TPSG1: variants seen among roughly 807,000 people sequenced by gnomAD.
TPSG1 encodes the protein tryptase gamma.
A neutral mutation model predicts 23.8 loss-of-function variants in TPSG1; 43 were observed. The ratio of observed to expected loss-of-function variants is 1.81; its 90% CI spans 1.42 to 2.33. TPSG1 has a LOEUF of 2.33. Among genes scored for constraint, TPSG1 ranks in the 30% most tolerant of loss-of-function variants. TPSG1 has a pLI of 0.00. For synonymous variants in TPSG1, 302 were observed against 201.3 expected (o/e 1.50, Z -4.23); for missense variants, 623 against 438.6 (o/e 1.42, Z -3.75).
rs1201153052 is a variant in TPSG1, at chr16:1,225,253, G to C, written c.-1C>G. 1.3e-6 allele frequency: 2 copies of C among 1,571,000 alleles called. No homozygotes were observed. Among genetic ancestry groups the C allele is most frequent in the East Asian group, 2.3e-5 (1 of 42,796 alleles). ...GGAGGCCACAGGCCCCAAGGGCCAT[G>C]GTGTCTGCCCACTGTAGGGAGAAGG... On this transcript the variant is annotated 5_prime_UTR_variant, in exon 1 of 6. Transcript: ENST00000234798.
chr16:1,225,150 G>GCT, intron 1 of TPSG1, 57 bp downstream of exon 1: 2 of 1,539,956 alleles, frequency 1.3e-6, no homozygotes, highest in Non-Finnish European at 1.8e-6. Context: ...CCCCCATCAG[G>GCT]GGTCCAGGCA....
In TPSG1 at chr16:1,223,298, G is replaced by GA. The variant is rs1418721366; in HGVS notation, c.245+124dup. ...GCAACCAGCTCCTCCCTTTCCATTG[G>GA]AAGGAAGTAGGCTCAGAGTTCCCAA... is the stretch of plus-strand genomic sequence containing the variant. On this transcript the variant is annotated intron_variant, in intron 3 of 5. Transcript: ENST00000234798. 15 of 1,259,604 alleles carry GA rather than the reference G, an allele frequency of 1.2e-5. No homozygotes were observed. The East Asian group carries it at 2.2e-4, about 18-fold the overall frequency. The allele number at this position is 1,259,604 out of a possible 1,614,324, so 78.0% of individuals were successfully genotyped here.
chr16:1,222,490 G>T, intron 4 of TPSG1, 149 bp from the exon 5 acceptor site: 1 of 1,275,228 alleles, frequency 7.8e-7, no homozygotes, highest in Non-Finnish European at 1.1e-6. Context: ...TGCTGCTTTG[G>T]ATCCACACGA....
intron 4 of TPSG1, 130 bp downstream of exon 4, chr16:1,222,522 C>T (rs1425158021): frequency 9.6e-6 from 13 of 1,358,964 alleles, no homozygotes; most frequent in East Asian, 7.0e-5. Flanking sequence ...AAGGGACAGC[C>T]GATAGGGGCG....
intron 1 of TPSG1, 132 bp downstream of exon 1, chr16:1,225,075 G>A (rs2030074872): frequency 1.8e-6 from 2 of 1,088,774 alleles, no homozygotes; most frequent in Non-Finnish European, 2.6e-6. Flanking sequence ...CTTCAGAGGA[G>A]ACACGGGGCC....
chr16:1,222,918 C>A lies in TPSG1; in HGVS notation c.246-1G>T, dbSNP rs1222380120. On this transcript the variant is annotated splice_acceptor_variant, in intron 3 of 5. Transcript: ENST00000234798. LOFTEE classifies it high-confidence loss of function. ...CTGGTAGTCGGATGAGTTCAGGGACCTGGGAGGGAAGGTGGCTGGGTGAGA... is the reference window on the plus strand; with the variant it reads ...CTGGTAGTCGGATGAGTTCAGGGACATGGGAGGGAAGGTGGCTGGGTGAGA... 1.3e-6 allele frequency: 2 copies of A among 1,592,188 alleles called. No homozygotes were observed. The highest frequency in any genetic ancestry group is 1.7e-6 in the Non-Finnish European group (2 of 1,166,010).
intron 2 of TPSG1, 97 bp from the exon 3 acceptor site, chr16:1,223,691 T>TG (rs2029982046): frequency 7.1e-7 from 1 of 1,403,792 alleles, no homozygotes; most frequent in African/African-American, 1.5e-5. Context: ...CCTGCCTTCT[T>TG]GGGGACTTTG....
chr16:1,222,505 C>G, intron 4 of TPSG1, 147 bp downstream of exon 4: 3 of 1,307,302 alleles, frequency 2.3e-6, no homozygotes, highest in African/African-American at 1.5e-5. Context: ...ACACGACAGG[C>G]TTTGAAAAGG....
At position 1,221,695 on chromosome 16, in the gene TPSG1, C is replaced by T; in HGVS notation, c.*93G>A. On this transcript the variant is annotated 3_prime_UTR_variant, in exon 6 of 6. Transcript: ENST00000234798. ...AATTCAGGTTAAATGTTGCAATAAT[C>T]TGATGCAGAAGACTCAGCTTCTCAA... 4 of 1,258,072 alleles carry T rather than the reference C, an allele frequency of 3.2e-6. No homozygotes were observed. Among genetic ancestry groups the T allele is most frequent in the East Asian group, 2.5e-5 (1 of 40,150 alleles). The allele number at this position is 1,258,072 out of a possible 1,614,324, so 77.9% of individuals were successfully genotyped here. A position where few individuals can be genotyped will look rare whatever the true frequency, so the allele number is the denominator to read the frequency against.
chr16:1,223,528 C>A lies in TPSG1; in HGVS notation c.140G>T (p.Gly47Val), dbSNP rs530904153. Residue 47 changes from glycine to valine, a missense_variant, in exon 3 of 6, where the codon GGC becomes GTC. Transcript: ENST00000234798. The part of the protein sequence containing the change: ...RIVGGHAAPA[G>V]AWPWQASLRL... ...GAGGCTGGCCTGCCATGGCCATGCG[C>A]CGGCCGGGGCAGCGTGACCCCCCAC... 14 of 1,551,128 alleles carry A rather than the reference C, an allele frequency of 9.0e-6. No homozygotes were observed. In the East Asian group the frequency reaches 3.4e-4, roughly 37 times the overall value.
chr16:1,224,481 C>T (rs1355587900), intron 2 of TPSG1, 121 bp downstream of exon 2: 31 of 1,339,568 alleles, frequency 2.3e-5, no homozygotes, highest in Non-Finnish European at 2.9e-5. Flanking sequence ...GAAACCACGG[C>T]GACAAACTAT....
Position 1,221,743 on chromosome 16 carries a change from GAATA to G in TPSG1, c.*41_*44del, listed in dbSNP as rs1555521616. The G allele has an allele frequency of 1.7e-5, 26 of 1,525,642 alleles. No homozygotes were observed. Among genetic ancestry groups the G allele is most frequent in the Non-Finnish European group, 2.3e-5 (26 of 1,126,466 alleles). The allele number at this position is 1,525,642 out of a possible 1,614,324, so 94.5% of individuals were successfully genotyped here. On this transcript the variant is annotated 3_prime_UTR_variant, in exon 6 of 6. Coordinates refer to ENST00000234798, the MANE Select transcript of TPSG1 (RefSeq NM_012467.4). The stretch of plus-strand genomic sequence containing the variant: ...CAAGGGAGAGGGAGGGGGCGGAGCG[GAATA>G]AATAGTAACTTATTTAAGAAATGCA...
In TPSG1 at chr16:1,222,638, C is replaced by CG; in HGVS notation, c.511+13dup. 1 of 1,533,478 alleles carries CG rather than the reference C, an allele frequency of 6.5e-7. No homozygotes were observed. The highest frequency in any genetic ancestry group is 1.9e-5 in the Admixed American group (1 of 51,940). The allele number at this position is 1,533,478 out of a possible 1,614,324, so 95.0% of individuals were successfully genotyped here. ...GCCTTCCTCCATCCCAGCATCCCCA[C>CG]GGGGGCTCCTCACCTCCCTCCCGCG... is the stretch of plus-strand genomic sequence containing the variant. On this transcript the variant is annotated intron_variant, in intron 4 of 5. Transcript: ENST00000234798.
intron 2 of TPSG1, chr16:1,223,929 G>A (rs1883562): frequency 0.63 from 217,500 of 344,840 alleles, 70,985 homozygotes; most frequent in East Asian, 0.9. Context: ...CCGGGGTGCT[G>A]GGGGTGGCTG....
In TPSG1 at chr16:1,223,334, GA is replaced by G. The variant is rs377091406; in HGVS notation, c.245+88del. ...GCTCAGAGTTCCCAAGCCTCGGAGT[GA>G]GTCAAGACCAAGTGGAGGCCTCTGC... On this transcript the variant is annotated intron_variant, in intron 3 of 5. Coordinates refer to ENST00000234798, the MANE Select transcript of TPSG1 (RefSeq NM_012467.4). 6.4e-6 allele frequency: 9 copies of G among 1,412,788 alleles called. No individual in the cohort carries two copies. In the African/African-American group the frequency reaches 1.3e-4, roughly 21 times the overall value. The allele number at this position is 1,412,788 out of a possible 1,614,324, so 87.5% of individuals were successfully genotyped here. A position where few individuals can be genotyped will look rare whatever the true frequency, so the allele number is the denominator to read the frequency against.
rs150971454 is a variant in TPSG1 at position 1,222,094 on chromosome 16, G to A, written c.660C>T (p.Asp220=). 114 of 1,612,782 alleles carry A rather than the reference G, an allele frequency of 7.1e-5. No individual in the cohort carries two copies. The highest frequency in any genetic ancestry group is 1.5e-4 in the Admixed American group (9 of 60,026). ...CARGPGDACQ[D]DSGGPLVCQV... is the part of the protein sequence containing the mutation. Reference sequence around the variant, plus strand: ...GGCAGACCAGAGGCCCCCCGGAGTCGTCCTGAGGACAGAGAAGGCGAGCAT... The same window carrying A: ...GGCAGACCAGAGGCCCCCCGGAGTCATCCTGAGGACAGAGAAGGCGAGCAT... Residue 220 remains aspartate (D), a splice_region_variant and synonymous_variant, in exon 6 of 6, where the codon GAC becomes GAT. Transcript: ENST00000234798.
chr16:1,223,755 A>G, intron 2 of TPSG1, 161 bp from the exon 3 acceptor site: 3 of 842,602 alleles, frequency 3.6e-6, no homozygotes, highest in Non-Finnish European at 5.3e-6. Flanking sequence ...TGGGTGCAGC[A>G]GAAATGACGT....
intron 2 of TPSG1, 162 bp from the exon 3 acceptor site, chr16:1,223,756 G>T: frequency 2.4e-6 from 2 of 839,880 alleles, no homozygotes; most frequent in Non-Finnish European, 3.5e-6. Context: ...GGGTGCAGCA[G>T]AAATGACGTC....
chr16:1,223,033 C>T, intron 3 of TPSG1, 116 bp from the exon 4 acceptor site: 3 of 1,309,886 alleles, frequency 2.3e-6, no homozygotes, highest in South Asian at 1.5e-5. Context: ...CCCTCCTAGG[C>T]TTGGGACGCA....
Sources: gnomAD v4.1 joint callset for allele counts on GRCh38, gnomAD v4.1.1 for gene constraint, MANE v1.5 for transcripts, NCBI Gene and HGNC (gene_info 2026-07-23, HGNC 2026-07-21) for gene names.